The following DPEP1 variants were observed in gnomAD, a reference collection of about 807,000 sequenced individuals.
DPEP1 encodes the protein dipeptidase 1.
Under a neutral mutation model 42.3 loss-of-function variants are expected in DPEP1, and 50 were observed. The ratio of observed to expected loss-of-function variants is 1.18; its 90% confidence interval spans 0.94 to 1.50. DPEP1 has a LOEUF of 1.50. Among genes scored for constraint, DPEP1 ranks in the 40% most tolerant of loss-of-function variants. The pLI, the probability that DPEP1 is intolerant of heterozygous loss-of-function variation, is 0.00. For synonymous variants in DPEP1, 297 were observed against 234.0 expected (o/e 1.27, Z -2.46); for missense variants, 663 against 553.0 (o/e 1.20, Z -1.99).
chr16:89,616,836 G>A (rs151315663), intron 1 of DPEP1: 37 of 251,486 alleles, frequency 1.5e-4, no homozygotes, highest in East Asian at 3.2e-4. Flanking sequence ...GCCAGGAAGC[G>A]GACAGGAAGT....
chr16:89,622,291 G>C (rs2059454858), intron 1 of DPEP1, among the ~76,000 whole-genome samples: 1 of 152,140 alleles, frequency 6.6e-6, no homozygotes, highest in South Asian at 2.1e-4. Flanking sequence ...GGAGGGCCTG[G>C]GCAGGACAAA....
chr16:89,627,774 C>G (rs2059534823), intron 1 of DPEP1, among the ~76,000 whole-genome samples: 1 of 143,498 alleles, frequency 7.0e-6, no homozygotes, highest in Admixed American at 7.3e-5. Context: ...GATTCTCCTC[C>G]AAAAGCCTCC....
At chr16:89,634,546 C>T (rs1311384243) in intron 2 of DPEP1, among the ~76,000 whole-genome samples, 1 of 55,800 alleles carries the variant, frequency 1.8e-5, no homozygotes, top group African/African-American at 8.1e-5. Context: ...TTCTCCTTTC[C>T]CCTTCCTTCT....
chr16:89,630,416 G>C lies in DPEP1; in HGVS notation c.6G>C (p.Trp2Cys), dbSNP rs2059568894. The change falls in exon 2 of 11, where the codon TGG becomes TGC. Residue 2 changes from tryptophan to cysteine, a missense_variant. Coordinates refer to ENST00000690203, the MANE Select transcript of DPEP1 (RefSeq NM_001389466.1). ...AGGTCCCCGGGGACCCCACCATGTG[G>C]AGCGGATGGTGGCTGTGGCCCCTTG... M[W>C]SGWWLWPLVA... 3 of 1,610,330 alleles carry C rather than the reference G, an allele frequency of 1.9e-6. No homozygotes were observed. In the Admixed American group the frequency reaches 5.0e-5, roughly 27 times the overall value.
intron 1 of DPEP1, among the ~76,000 whole-genome samples, chr16:89,615,747 C>T (rs947989276): frequency 1.3e-5 from 2 of 152,190 alleles, no homozygotes; most frequent in African/African-American, 4.8e-5. Context: ...TGGGATTTGG[C>T]CACCAGAGGG....
In DPEP1 at chr16:89,636,245, C is replaced by T. The variant is rs2070993; in HGVS notation, c.238-19C>T. The T allele has an allele frequency of 0.018, 28,980 of 1,598,218 alleles. 5,455 individuals carry two copies. The East Asian group carries it at 0.48, about 27-fold the overall frequency. On this transcript the variant is annotated intron_variant, in intron 3 of 10. Transcript: ENST00000690203. ...GAGACCTGGCTGCATCAGCTCCTGG[C>T]ACCCCCTGCGGCCCACAGTTCTGGT...
intron 2 of DPEP1, among the ~76,000 whole-genome samples, chr16:89,631,457 C>T (rs116521451): frequency 1.8e-4 from 27 of 152,296 alleles, no homozygotes; most frequent in East Asian, 1.2e-3. Flanking sequence ...ACTGAGAGTC[C>T]GCCCTGTGTC....
intron 4 of DPEP1, 21 bp from the exon 5 acceptor site, chr16:89,636,512 G>A: frequency 6.2e-7 from 1 of 1,609,846 alleles, no homozygotes; most frequent in Non-Finnish European, 8.5e-7. Context: ...CCACTCCCCT[G>A]CACCCTGACT....
chr16:89,638,678 C>T (rs2059715184), downstream of DPEP1, among the ~76,000 whole-genome samples: 1 of 145,990 alleles, frequency 6.8e-6, no homozygotes. Flanking sequence ...CACACACACA[C>T]ACACCCCACC....
intron 5 of DPEP1, 89 bp from the exon 6 acceptor site, chr16:89,636,777 G>A (rs1005883256): frequency 1.9e-6 from 3 of 1,601,416 alleles, no homozygotes; most frequent in East Asian, 2.2e-5. Context: ...CCCTCTGCCT[G>A]TGAGTCCCAG....
chr16:89,626,855 T>C (rs1013181333), intron 1 of DPEP1, among the ~76,000 whole-genome samples: 3 of 151,934 alleles, frequency 2.0e-5, no homozygotes, highest in Non-Finnish European at 4.4e-5. Context: ...CGGTGGCTCA[T>C]GCCTGTAATC....
At chr16:89,620,228 C>T (rs1051109637) in intron 1 of DPEP1, among the ~76,000 whole-genome samples, 9 of 152,040 alleles carry the variant, frequency 5.9e-5, no homozygotes, top group African/African-American at 2.2e-4. Context: ...GTCCCAACTC[C>T]GGGGCCAGGG....
At chr16:89,636,169 C>T (rs1370249420) in intron 3 of DPEP1, 95 bp from the exon 4 acceptor site, 7 of 1,550,934 alleles carry the variant, frequency 4.5e-6, no homozygotes, top group Non-Finnish European at 6.1e-6. Context: ...CGAGGGAGGG[C>T]TTCCCAGCGG....
intron 2 of DPEP1, among the ~76,000 whole-genome samples, chr16:89,633,917 C>G (rs2059623653): frequency 6.6e-6 from 1 of 152,136 alleles, no homozygotes; most frequent in Non-Finnish European, 1.5e-5. Context: ...ACTGAGGCCC[C>G]AGACCCAGTG....
chr16:89,637,995 G>C, intron 10 of DPEP1, 24 bp downstream of exon 10: 2 of 1,607,666 alleles, frequency 1.2e-6, no homozygotes, highest in Non-Finnish European at 1.7e-6. Flanking sequence ...GGCCACCTGA[G>C]TCTCCCCCAC....
At chr16:89,640,559 C>T (rs1190120868), downstream of DPEP1, 1 of 984,706 alleles carries the variant, frequency 1.0e-6, no homozygotes, top group Admixed American at 6.1e-5. Flanking sequence ...CCAGGATGCA[C>T]TTATCAATAA....
chr16:89,617,351 C>T (rs899874307), intron 1 of DPEP1, among the ~76,000 whole-genome samples: 1 of 152,122 alleles, frequency 6.6e-6, no homozygotes, highest in African/African-American at 2.4e-5. Flanking sequence ...AGCGCTCCTG[C>T]CTCACGAGGC....
Position 89,637,982 on chromosome 16 carries a change from G to T in DPEP1, c.1065+11G>T. 6.2e-7 allele frequency: 1 copy of T among 1,607,522 alleles called. No individual in the cohort carries two copies. The highest frequency in any genetic ancestry group is 8.5e-7 in the Non-Finnish European group (1 of 1,177,740). ...GAGGCTGTGGAACAGGTGAGGATGG[G>T]GTGGCCACCTGAGTCTCCCCCACCA... On this transcript the variant is annotated intron_variant, in intron 10 of 10. Coordinates refer to ENST00000690203, the MANE Select transcript of DPEP1 (RefSeq NM_001389466.1).
At chr16:89,614,682 C>T (rs2059364663) in intron 1 of DPEP1, among the ~76,000 whole-genome samples, 2 of 152,174 alleles carry the variant, frequency 1.3e-5, no homozygotes, top group Non-Finnish European at 2.9e-5. Flanking sequence ...GTAGTCCCAG[C>T]TACTCGGGAG....
Sources: allele counts gnomAD v4.1 joint callset (sites outside exome capture counted in the v4.1 genomes callset), GRCh38; gene constraint gnomAD v4.1.1; transcripts MANE v1.5; gene names NCBI Gene and HGNC (gene_info 2026-07-23, HGNC 2026-07-21).